Variants in CEP44 observed in about 807,000 individuals in gnomAD.
The protein encoded by CEP44 is centrosomal protein 44.
A neutral mutation model predicts 46.7 loss-of-function variants in CEP44; 45 were observed. The ratio of observed to expected loss-of-function variants is 0.96; its 90% CI spans 0.76 to 1.24. The LOEUF is 1.24. Among genes scored for constraint, CEP44 ranks in the 50% most tolerant of loss-of-function variants. The pLI is 0.00. For synonymous variants in CEP44, 142 were observed against 146.0 expected (o/e 0.97, Z 0.20); for missense variants, 475 against 459.7 (o/e 1.03, Z -0.30).
exon 9 of CEP44, chr4:174,332,926 A>G (rs1371537288): frequency 6.6e-6 from 1 of 152,170 alleles, no homozygotes; most frequent in African/African-American, 2.4e-5. Context: ...CTTTCTAACT[A>G]ACACATTTTC....
At position 174,331,252 on chromosome 4, in the gene CEP44, ACT is replaced by A. The variant is rs1460722441; in HGVS notation, c.1087-227_1087-226del. 2.0e-5 allele frequency among the ~76,000 whole-genome samples: 3 copies of A among 151,956 alleles called. No homozygotes were observed. Among genetic ancestry groups the A allele is most frequent in the Non-Finnish European group, 4.4e-5 (3 of 67,984 alleles). ...CCTCACCAATGAGAAAAAAAAAAAA[ACT>A]CTGAACATTTAGCTGTTTATTCTGG... is the stretch of plus-strand genomic sequence containing the variant. On this transcript the variant is annotated intron_variant, in intron 8 of 8. Coordinates refer to the CEP44 transcript ENST00000426172. This position sits in a 1 kb window ranked among gnomAD's most constrained non-coding sequence, Gnocchi z 4.5.
chr4:174,295,578 G>T (rs1738897097), intron 1 of CEP44, among the ~76,000 whole-genome samples: 1 of 151,882 alleles, frequency 6.6e-6, no homozygotes. Flanking sequence ...TCACTTCCCA[G>T]ACGGGGTGGC....
rs532480558 is a variant in CEP44, at chr4:174,329,172, G to A, written c.1087-2310G>A. Among the ~76,000 whole-genome samples, 1 of 152,094 alleles carries A rather than the reference G, an allele frequency of 6.6e-6. No homozygotes were observed. Among genetic ancestry groups the A allele is most frequent in the South Asian group, 2.1e-4 (1 of 4,820 alleles). ...CACTATGCTGCCCAGGCTAGTCTCA[G>A]ACTCCTGGCCTCAAGCAATCTTCCT... On this transcript the variant is annotated intron_variant, in intron 8 of 8. Transcript: ENST00000426172. The surrounding 1 kb of genome is among the most constrained non-coding windows in gnomAD (Gnocchi z 4.0).
At position 174,331,152 on chromosome 4, in the gene CEP44, A is replaced by G. The variant is rs1731300117; in HGVS notation, c.1087-330A>G. 6.6e-6 allele frequency among the ~76,000 whole-genome samples: 1 copy of G among 151,990 alleles called. No homozygotes were observed. The highest frequency in any genetic ancestry group is 1.5e-5 in the Non-Finnish European group (1 of 67,992). ...ATTTTCATTTTTAATTAGTACGTAA[A>G]TTAGATCTCATAATTATGTTACCAA... On this transcript the variant is annotated intron_variant, in intron 8 of 8. Coordinates refer to the CEP44 transcript ENST00000426172. The surrounding 1 kb of genome is among the most constrained non-coding windows in gnomAD (Gnocchi z 4.5).
chr4:174,296,763 ATTTTTTTTT>A (rs202212472), intron 1 of CEP44, among the ~76,000 whole-genome samples: 1 of 90,420 alleles, frequency 1.1e-5, no homozygotes, highest in Non-Finnish European at 2.1e-5. Context: ...GTCCTTACTG[ATTTTTTTTT>A]TTTTTTTTTT....
chr4:174,331,297 C>A lies in CEP44; in HGVS notation c.1087-185C>A, dbSNP rs1177208780. Among the ~76,000 whole-genome samples the A allele has an allele frequency of 6.6e-6, 1 of 150,486 alleles. No homozygotes were observed. The highest frequency in any genetic ancestry group is 1.5e-5 in the Non-Finnish European group (1 of 67,762). ...TATTCTGGTATCTAACAACATATTT[C>A]TAAATAATATGATTGTCATTTCTCT... On this transcript the variant is annotated intron_variant, in intron 8 of 8. Coordinates refer to the CEP44 transcript ENST00000426172. The surrounding 1 kb of genome is among the most constrained non-coding windows in gnomAD (Gnocchi z 4.5).
downstream of CEP44, chr4:174,320,408 CCTT>C (rs1313526706): frequency 1.4e-5 from 10 of 705,980 alleles, no homozygotes; most frequent in African/African-American, 2.3e-4. Flanking sequence ...ATTAATATAA[CCTT>C]CTCAATTTTA....
intron 6 of CEP44, 143 bp from the exon 7 acceptor site, chr4:174,308,546 A>C: frequency 2.7e-6 from 2 of 741,474 alleles, no homozygotes; most frequent in South Asian, 4.0e-5. Context: ...TGGGTGATGA[A>C]ATAATCTGCA....
chr4:174,283,874 C>G, upstream of CEP44: 1 of 398,890 alleles, frequency 2.5e-6, no homozygotes, highest in Non-Finnish European at 4.4e-6. The surrounding 1 kb of genome is among the most constrained non-coding windows in gnomAD (Gnocchi z 6.7). Context: ...GAGTCTTGAA[C>G]GCGGTGTGGA....
At chr4:174,308,977 T>G (rs1268546684) in intron 7 of CEP44, 118 bp downstream of exon 7, 2 of 872,400 alleles carry the variant, frequency 2.3e-6, no homozygotes, top group Middle Eastern at 3.2e-4. Flanking sequence ...TCATGACATT[T>G]TATCTATGTT....
At chr4:174,332,930 C>G (rs1731385376) in exon 9 of CEP44, 1 of 152,088 alleles carries the variant, frequency 6.6e-6, no homozygotes, top group Admixed American at 6.6e-5. Flanking sequence ...CTAACTAACA[C>G]ATTTTCTAAT....
rs546713929 is a variant in CEP44, at chr4:174,291,044, A to G, written c.-147-6922A>G. Among the ~76,000 whole-genome samples, 20 of 152,312 alleles carry G rather than the reference A, an allele frequency of 1.3e-4. No homozygotes were observed. In the East Asian group the frequency reaches 3.7e-3, roughly 28 times the overall value. ...TAGCCTACGTGTGTCCTTAAATGTT[A>G]GAGTCTCTTGTAGATAGCGTATAGT... On this transcript the variant is annotated intron_variant, in intron 1 of 11. Coordinates refer to ENST00000503780, the MANE Select transcript of CEP44 (RefSeq NM_001040157.3).
At chr4:174,305,982 CA>C (rs1233095591) in intron 6 of CEP44, among the ~76,000 whole-genome samples, 1 of 152,064 alleles carries the variant, frequency 6.6e-6, no homozygotes, top group East Asian at 1.9e-4. Flanking sequence ...AGATCTTTAT[CA>C]GAAATTTGAA....
intron 1 of CEP44, among the ~76,000 whole-genome samples, chr4:174,284,840 T>A (rs538031034): frequency 6.6e-6 from 1 of 152,244 alleles, no homozygotes; most frequent in Non-Finnish European, 1.5e-5. Flanking sequence ...ATACGTGTTT[T>A]TAGATAATAT....
Position 174,310,099 on chromosome 4 carries a change from CAA to C in CEP44, c.885+45_885+46del. 6.5e-7 allele frequency: 1 copy of C among 1,549,430 alleles called. No homozygotes were observed. Among genetic ancestry groups the C allele is most frequent in the Non-Finnish European group, 8.7e-7 (1 of 1,148,204 alleles). On this transcript the variant is annotated intron_variant, in intron 8 of 11. Coordinates refer to ENST00000503780, the MANE Select transcript of CEP44 (RefSeq NM_001040157.3). This position sits in a 1 kb window ranked among gnomAD's most constrained non-coding sequence, Gnocchi z 4.2. ...CATTTATAAAATATCTCAGATATAA[CAA>C]AGTTTTTTTTTGATTGTTATATGTG... is the stretch of plus-strand genomic sequence containing the variant.
In CEP44 at chr4:174,317,451, T is replaced by C. The variant is rs1167874497; in HGVS notation, c.*68T>C. The C allele has an allele frequency of 1.5e-5, 19 of 1,302,604 alleles. No individual in the cohort carries two copies. The highest frequency in any genetic ancestry group is 1.9e-5 in the Non-Finnish European group (19 of 1,001,068). The allele number at this position is 1,302,604 out of a possible 1,614,324, so 80.7% of individuals were successfully genotyped here. Reference sequence around the variant, plus strand: ...CATATTGTATATTTTAAGAATTCTTTATACAATTTTAATATACTGCAATAC... The same window carrying C: ...CATATTGTATATTTTAAGAATTCTTCATACAATTTTAATATACTGCAATAC... On this transcript the variant is annotated 3_prime_UTR_variant, in exon 12 of 12. Coordinates refer to ENST00000503780, the MANE Select transcript of CEP44 (RefSeq NM_001040157.3).
rs868555848 is a variant in CEP44, at chr4:174,311,322, G to A, written c.961+464G>A. On this transcript the variant is annotated intron_variant, in intron 9 of 11. Transcript: ENST00000503780. This position sits in a 1 kb window ranked among gnomAD's most constrained non-coding sequence, Gnocchi z 4.4. The stretch of plus-strand genomic sequence containing the variant: ...ATGGGAAAGATCTGATATTAGGATA[G>A]GTCTTTTCCTGGTCACTTTACTAGG... Among the ~76,000 whole-genome samples, 1 of 151,986 alleles carries A rather than the reference G, an allele frequency of 6.6e-6. No homozygotes were observed. Among genetic ancestry groups the A allele is most frequent in the Non-Finnish European group, 1.5e-5 (1 of 67,920 alleles).
chr4:174,313,119 G>A (rs1436299595), intron 9 of CEP44, among the ~76,000 whole-genome samples: 1 of 152,032 alleles, frequency 6.6e-6, no homozygotes, highest in Non-Finnish European at 1.5e-5. Flanking sequence ...TGTTAGGCAA[G>A]GGGGGCTATA....
rs1391554250 is a variant in CEP44 at position 174,296,737 on chromosome 4, A to C, written c.-147-1229A>C. On this transcript the variant is annotated intron_variant, in intron 1 of 11. Coordinates refer to ENST00000503780, the MANE Select transcript of CEP44 (RefSeq NM_001040157.3). Reference sequence around the variant, plus strand: ...TATAAATATTTGTTATATCCAGTTGATAGATGATATTGTTTGTCCTTACTG... The same window carrying C: ...TATAAATATTTGTTATATCCAGTTGCTAGATGATATTGTTTGTCCTTACTG... Among the ~76,000 whole-genome samples the C allele has an allele frequency of 2.1e-5, 3 of 142,194 alleles. No individual in the cohort carries two copies. The East Asian group carries it at 6.1e-4, about 29-fold the overall frequency. 93.3% of individuals were successfully genotyped at this position (142,194 alleles called of 152,430 possible). A position where few individuals can be genotyped will look rare whatever the true frequency, so the allele number is the denominator to read the frequency against.
Sources: gnomAD v4.1 joint callset for allele counts (sites outside exome capture counted in the v4.1 genomes callset) on GRCh38, gnomAD v4.1.1 for gene constraint, Gnocchi (gnomAD v3.1) non-coding constraint, MANE v1.5 for transcripts, NCBI Gene and HGNC (gene_info 2026-07-23, HGNC 2026-07-21) for gene names.